PC: variants seen among roughly 807,000 people sequenced by gnomAD.
The protein encoded by PC is pyruvate carboxylase.
PC carries 46 observed loss-of-function variants against 107.8 expected under a neutral mutation model. The observed-to-expected ratio is 0.43, with a 90% CI of 0.34 to 0.55. PC has a LOEUF of 0.55. Among genes scored for constraint, PC ranks in the 20% least tolerant of loss-of-function variants. The pLI, the probability that PC is intolerant of heterozygous loss-of-function variation, is 0.04. For synonymous variants in PC, 662 were observed against 684.7 expected (o/e 0.97, Z 0.52); for missense variants, 1,241 against 1,643.1 (o/e 0.76, Z 4.23).
Position 66,858,736 on chromosome 11 carries a change from T to A in PC, c.1368+5038A>T. 1 of 1,553,948 alleles carries A rather than the reference T, an allele frequency of 6.4e-7. No individual in the cohort carries two copies. Among genetic ancestry groups the A allele is most frequent in the South Asian group, 1.2e-5 (1 of 84,726 alleles). On this transcript the variant is annotated intron_variant, in intron 12 of 22. Transcript: ENST00000393960. This position sits in a 1 kb window ranked among gnomAD's most constrained non-coding sequence, Gnocchi z 5.9. ...GGCAACTCCTCCCGAGCCCGGGCTT[T>A]CCCCAACGGGACCTTAGAGATTGGG...
intron 3 of PC, among the ~76,000 whole-genome samples, chr11:66,948,988 ATTTATT>A (rs1387473970): frequency 2.0e-5 from 3 of 150,790 alleles, no homozygotes; most frequent in Admixed American, 6.6e-5. Context: ...TATTATTATT[ATTTATT>A]ATTATTATTA....
intron 3 of PC, among the ~76,000 whole-genome samples, chr11:66,880,465 A>C (rs1419884313): frequency 6.6e-6 from 1 of 152,152 alleles, no homozygotes. Context: ...AGCTGGAGGC[A>C]CCTATGGTGA....
At chr11:66,891,607 G>T (rs1947579365) in intron 3 of PC, among the ~76,000 whole-genome samples, 1 of 151,752 alleles carries the variant, frequency 6.6e-6, no homozygotes, top group Non-Finnish European at 1.5e-5. Flanking sequence ...GGTCAGGCTG[G>T]TCGTGAACTC....
chr11:66,850,771 AT>A lies in PC; in HGVS notation c.2375del (p.Asp792ValfsTer13). 6.2e-7 allele frequency: 1 copy of A among 1,611,584 alleles called. No homozygotes were observed. Among genetic ancestry groups the A allele is most frequent in the East Asian group, 2.2e-5 (1 of 44,886 alleles). On this transcript the variant is annotated frameshift_variant, in exon 18 of 23. Coordinates refer to ENST00000393960, the MANE Select transcript of PC (RefSeq NM_001040716.2). LOFTEE classifies it high-confidence loss of function. ...TGGAATCAGCTGCCACATCCACCAC[AT>A]CAGCTCCAGCCTGGGCACAGGCCAG... is the stretch of plus-strand genomic sequence containing the variant. ...AMLACAQAGA[D>X]VVDVAADSMS...
chr11:66,872,469 G>A (rs1295598268), intron 3 of PC, among the ~76,000 whole-genome samples: 1 of 152,120 alleles, frequency 6.6e-6, no homozygotes, highest in African/African-American at 2.4e-5. Context: ...TAAGACTACA[G>A]GTGTGAGCTG....
In PC at chr11:66,870,934, A is replaced by C. The variant is rs1326709520; in HGVS notation, c.634-42T>G. Reference sequence around the variant, plus strand: ...GGGCCAGCCAGACCTCAGACCCCACAGCGCTACCTCTCCCCTGCCATGAAC... The same window carrying C: ...GGGCCAGCCAGACCTCAGACCCCACCGCGCTACCTCTCCCCTGCCATGAAC... On this transcript the variant is annotated intron_variant, in intron 7 of 22. Coordinates refer to ENST00000393960, the MANE Select transcript of PC (RefSeq NM_001040716.2). This position sits in a 1 kb window ranked among gnomAD's most constrained non-coding sequence, Gnocchi z 6.1. 6.2e-7 allele frequency: 1 copy of C among 1,603,746 alleles called. No homozygotes were observed.
intron 16 of PC, 61 bp downstream of exon 16, chr11:66,851,729 C>A (rs964618919): frequency 8.3e-6 from 13 of 1,568,780 alleles, no homozygotes; most frequent in Non-Finnish European, 1.1e-5. Flanking sequence ...GCCATCACGA[C>A]ATGGCTCGGT....
rs1046665654 is a variant in PC, at chr11:66,848,483, T to G, written c.*416A>C. ...AGCTTGAAAGGCAGCCCCCCACTGCTGAGTGGTGCAGGCTGGGGGCTGCAC... is the reference window on the plus strand; with the variant it reads ...AGCTTGAAAGGCAGCCCCCCACTGCGGAGTGGTGCAGGCTGGGGGCTGCAC... On this transcript the variant is annotated 3_prime_UTR_variant, in exon 23 of 23. Coordinates refer to ENST00000393960, the MANE Select transcript of PC (RefSeq NM_001040716.2). 2.2e-5 allele frequency: 12 copies of G among 556,222 alleles called. No individual in the cohort carries two copies. The highest frequency in any genetic ancestry group is 2.0e-4 in the East Asian group (7 of 34,414). 34.5% of individuals were successfully genotyped at this position (556,222 alleles called of 1,614,324 possible). A position where few individuals can be genotyped will look rare whatever the true frequency, so the allele number is the denominator to read the frequency against.
At chr11:66,894,837 C>T (rs552589168) in intron 3 of PC, among the ~76,000 whole-genome samples, 2 of 152,196 alleles carry the variant, frequency 1.3e-5, no homozygotes, top group Non-Finnish European at 2.9e-5. Context: ...GCCTGGCCAA[C>T]ATGGTGAAAC....
Position 66,894,133 on chromosome 11 carries a change from G to A in PC, c.1-21974C>T, listed in dbSNP as rs79849344. Among the ~76,000 whole-genome samples the A allele has an allele frequency of 9.2e-5, 14 of 152,040 alleles. No homozygotes were observed. In the East Asian group the frequency reaches 2.5e-3, roughly 27 times the overall value. On this transcript the variant is annotated intron_variant, in intron 3 of 22. Coordinates refer to ENST00000393960, the MANE Select transcript of PC (RefSeq NM_001040716.2). ...TAGCATCCCCAAATACAGGCATGAC[G>A]GCACTCTTCCTGAAAAGTGGGGTAA...
chr11:66,907,296 G>A (rs548225505), intron 3 of PC, among the ~76,000 whole-genome samples: 1 of 152,358 alleles, frequency 6.6e-6, no homozygotes, highest in South Asian at 2.1e-4. Flanking sequence ...GGGAGGCCGA[G>A]GCGGGCAGAT....
rs1407391874 is a variant in PC at position 66,850,725 on chromosome 11, G to A, written c.2422C>T (p.Pro808Ser). 1 of 1,611,414 alleles carries A rather than the reference G, an allele frequency of 6.2e-7. No individual in the cohort carries two copies. The highest frequency in any genetic ancestry group is 8.5e-7 in the Non-Finnish European group (1 of 1,179,894). ...CAGGCCACCAGGGCCCCCATGCTGG[G>A]CTGTGAAGTCATCCCAGACATGGAA... ...ADSMSGMTSQ[P>S]SMGALVACTR... The change falls in exon 18 of 23, where the codon CCC becomes TCC. Residue 808 changes from proline to serine, a missense_variant. Pro to Ser is a moderately conservative substitution (Grantham distance 74). Transcript: ENST00000393960.
In PC at chr11:66,857,676, G is replaced by A; in HGVS notation, c.1369-4293C>T. The A allele has an allele frequency of 3.3e-6, 5 of 1,500,460 alleles. No homozygotes were observed. Among genetic ancestry groups the A allele is most frequent in the Non-Finnish European group, 4.5e-6 (5 of 1,123,322 alleles). The allele number at this position is 1,500,460 out of a possible 1,614,324, so 92.9% of individuals were successfully genotyped here. A position where few individuals can be genotyped will look rare whatever the true frequency, so the allele number is the denominator to read the frequency against. ...AAGCTGGCTTCTGGGACTGTCCTGG[G>A]CCCAAGTGGGCACCTGCGCCAGCCC... On this transcript the variant is annotated intron_variant, in intron 12 of 22. Coordinates refer to ENST00000393960, the MANE Select transcript of PC (RefSeq NM_001040716.2). This position sits in a 1 kb window ranked among gnomAD's most constrained non-coding sequence, Gnocchi z 7.1.
At chr11:66,897,026 G>A (rs1565270455) in intron 3 of PC, among the ~76,000 whole-genome samples, 1 of 152,052 alleles carries the variant, frequency 6.6e-6, no homozygotes, top group African/African-American at 2.4e-5. Flanking sequence ...CTGCCCCCGG[G>A]ATTCAAGAGA....
In PC at chr11:66,852,328, G is replaced by C. The variant is rs2135813086; in HGVS notation, c.1825+111C>G. On this transcript the variant is annotated intron_variant, in intron 15 of 22. Coordinates refer to ENST00000393960, the MANE Select transcript of PC (RefSeq NM_001040716.2). This position sits in a 1 kb window ranked among gnomAD's most constrained non-coding sequence, Gnocchi z 4.7. The stretch of plus-strand genomic sequence containing the variant: ...GTGCCTTCTTCGGTCCTTCCTCTTT[G>C]GTGTTCTTCGTGTCAGCGTCTCTAG... 1 of 934,456 alleles carries C rather than the reference G, an allele frequency of 1.1e-6. No individual in the cohort carries two copies. Among genetic ancestry groups the C allele is most frequent in the Non-Finnish European group, 1.7e-6 (1 of 577,550 alleles). 57.9% of individuals were successfully genotyped at this position (934,456 alleles called of 1,614,324 possible).
At chr11:66,851,760 T>A (rs1297867414) in intron 16 of PC, 30 bp downstream of exon 16, 1 of 1,611,408 alleles carries the variant, frequency 6.2e-7, no homozygotes, top group Non-Finnish European at 8.5e-7. Flanking sequence ...CCACACCAGG[T>A]AGCGTCTGCC....
Position 66,849,877 on chromosome 11 carries a change from G to C in PC, c.2899-18C>G. On this transcript the variant is annotated intron_variant, in intron 20 of 22. Transcript: ENST00000393960. Reference sequence around the variant, plus strand: ...TTCAGTACCTGGGGAGCAAAGCAGAGGATCAGTCCCAAGTCCTGCATCCAG... The same window carrying C: ...TTCAGTACCTGGGGAGCAAAGCAGACGATCAGTCCCAAGTCCTGCATCCAG... 3.1e-6 allele frequency: 5 copies of C among 1,613,646 alleles called. No homozygotes were observed. Among genetic ancestry groups the C allele is most frequent in the Non-Finnish European group, 4.2e-6 (5 of 1,180,016 alleles).
intron 3 of PC, among the ~76,000 whole-genome samples, chr11:66,929,078 C>T (rs1948785734): frequency 6.6e-6 from 1 of 152,168 alleles, no homozygotes; most frequent in African/African-American, 2.4e-5. Flanking sequence ...ACCGACAGGT[C>T]AACCAAGGAT....
Position 66,860,746 on chromosome 11 carries a change from G to A in PC, c.1368+3028C>T, listed in dbSNP as rs950797347. Reference sequence around the variant, plus strand: ...AGAACGCCCCTTCCTGCCAGGTGGCGACAGGACGCCGTATCCAGTGTAAAG... The same window carrying A: ...AGAACGCCCCTTCCTGCCAGGTGGCAACAGGACGCCGTATCCAGTGTAAAG... On this transcript the variant is annotated intron_variant, in intron 12 of 22. Transcript: ENST00000393960. 7.1e-6 allele frequency: 5 copies of A among 699,416 alleles called. No homozygotes were observed. In the South Asian group the frequency reaches 7.5e-5, roughly 10 times the overall value. The allele number at this position is 699,416 out of a possible 1,614,324, so 43.3% of individuals were successfully genotyped here.
Sources: gnomAD v4.1 joint callset for allele counts (sites outside exome capture counted in the v4.1 genomes callset) on GRCh38, gnomAD v4.1.1 for gene constraint, Gnocchi (gnomAD v3.1) non-coding constraint, MANE v1.5 for transcripts, NCBI Gene and HGNC (gene_info 2026-07-23, HGNC 2026-07-21) for gene names.